ZCWPW2: variants seen among roughly 807,000 people sequenced by gnomAD.
ZCWPW2 encodes the protein zinc finger CW-type and PWWP domain containing 2.
A neutral mutation model predicts 46.6 loss-of-function variants in ZCWPW2; 45 were observed. The ratio of observed to expected loss-of-function variants is 0.96; its 90% confidence interval spans 0.76 to 1.24. The LOEUF (loss-of-function observed/expected upper bound fraction) is 1.24, where lower values mean the gene tolerates loss of function less well. Ranked by LOEUF, ZCWPW2 falls within the 50% of genes most tolerant of loss-of-function variation. ZCWPW2 has a pLI of 0.00. For missense variants in ZCWPW2, 429 were observed against 403.9 expected (o/e 1.06, Z -0.53); for synonymous variants, 152 against 137.1 (o/e 1.11, Z -0.76).
At chr3:28,484,861 T>A (rs908502216) in intron 5 of ZCWPW2, among the ~76,000 whole-genome samples, 8 of 152,186 alleles carry the variant, frequency 5.3e-5, no homozygotes, top group South Asian at 2.1e-4. Flanking sequence ...AGAGCTAGCT[T>A]ATGGTTGTAT....
rs371739055 is a variant in ZCWPW2, at chr3:28,364,718, C to A, written c.-134+15515C>A. Among the ~76,000 whole-genome samples the A allele has an allele frequency of 3.3e-5, 5 of 151,648 alleles. No individual in the cohort carries two copies. The East Asian group carries it at 9.7e-4, about 29-fold the overall frequency. On this transcript the variant is annotated intron_variant, in intron 1 of 9. Transcript: ENST00000383768. ...TGCAGGTTAGTTACATATGTATACA[C>A]GTGCCATGTTGGTGTGCTGCACCCA... is the stretch of plus-strand genomic sequence containing the variant.
intron 4 of ZCWPW2, among the ~76,000 whole-genome samples, chr3:28,474,618 T>TGTGTGTGTGTGC (rs1313615563): frequency 6.8e-6 from 1 of 146,460 alleles, no homozygotes; most frequent in Non-Finnish European, 1.5e-5. Flanking sequence ...TGTGTGTGTG[T>TGTGTGTGTGTGC]GTGCGCGCGC....
chr3:28,496,849 G>A (rs1700003546), intron 6 of ZCWPW2, among the ~76,000 whole-genome samples: 1 of 151,540 alleles, frequency 6.6e-6, no homozygotes, highest in South Asian at 2.1e-4. Context: ...GAAGAAAACA[G>A]GCATAGGGAT....
At chr3:28,495,672 C>G (rs536395861) in intron 6 of ZCWPW2, among the ~76,000 whole-genome samples, 3 of 151,656 alleles carry the variant, frequency 2.0e-5, no homozygotes, top group Admixed American at 1.3e-4. Context: ...TTTAATATGT[C>G]TTTGTTTTTT....
intron 4 of ZCWPW2, among the ~76,000 whole-genome samples, chr3:28,457,132 T>C (rs1316469338): frequency 6.6e-6 from 1 of 152,210 alleles, no homozygotes; most frequent in Non-Finnish European, 1.5e-5. Context: ...ATGAATTAGG[T>C]GAAATCCAGT....
At chr3:28,434,460 T>C (rs1575129629) in intron 3 of ZCWPW2, among the ~76,000 whole-genome samples, 2 of 152,178 alleles carry the variant, frequency 1.3e-5, no homozygotes, top group South Asian at 4.1e-4. Context: ...TGTCATGAAA[T>C]AACATATCTC....
intron 4 of ZCWPW2, among the ~76,000 whole-genome samples, chr3:28,466,550 G>C (rs1033782613): frequency 4.6e-5 from 7 of 152,176 alleles, no homozygotes; most frequent in African/African-American, 1.7e-4. Flanking sequence ...TGTAATCCCA[G>C]CACTTTGGGA....
At chr3:28,475,242 T>C (rs1345472972) in intron 4 of ZCWPW2, among the ~76,000 whole-genome samples, 1 of 152,168 alleles carries the variant, frequency 6.6e-6, no homozygotes, top group African/African-American at 2.4e-5. Context: ...TTGAAAGTCC[T>C]AGAGTAATCC....
At chr3:28,396,828 T>C (rs951390941) in intron 2 of ZCWPW2, among the ~76,000 whole-genome samples, 1 of 152,202 alleles carries the variant, frequency 6.6e-6, no homozygotes, top group African/African-American at 2.4e-5. Context: ...TCATACTGTT[T>C]CATTAAATTC....
intron 8 of ZCWPW2, among the ~76,000 whole-genome samples, chr3:28,520,467 T>C (rs1277872932): frequency 6.6e-6 from 1 of 152,202 alleles, no homozygotes; most frequent in Non-Finnish European, 1.5e-5. Context: ...TAGTAGAGAT[T>C]GGCAAACTGT....
intron 4 of ZCWPW2, among the ~76,000 whole-genome samples, chr3:28,468,050 A>G (rs998796620): frequency 5.9e-5 from 9 of 152,160 alleles, no homozygotes; most frequent in Non-Finnish European, 1.3e-4. Context: ...GTTTTGAGGA[A>G]CTCAAAGAAA....
chr3:28,427,087 C>T (rs1037304049), intron 3 of ZCWPW2, among the ~76,000 whole-genome samples: 1 of 152,158 alleles, frequency 6.6e-6, no homozygotes, highest in African/African-American at 2.4e-5. Flanking sequence ...TACTTCTCAC[C>T]ACCCACAGAT....
intron 4 of ZCWPW2, among the ~76,000 whole-genome samples, chr3:28,455,244 A>C (rs1698381338): frequency 6.6e-6 from 1 of 152,116 alleles, no homozygotes; most frequent in Admixed American, 6.5e-5. Flanking sequence ...AGTGATGTTG[A>C]ACTTGTTTTC....
chr3:28,398,115 C>G (rs1402986556), intron 2 of ZCWPW2: 2 of 152,262 alleles, frequency 1.3e-5, no homozygotes, highest in Admixed American at 1.3e-4. Flanking sequence ...TCTCACAGTT[C>G]TGGAGGCTAA....
At chr3:28,514,665 C>T (rs867223010) in intron 7 of ZCWPW2, among the ~76,000 whole-genome samples, 28 of 152,220 alleles carry the variant, frequency 1.8e-4, no homozygotes, top group African/African-American at 6.5e-4. Context: ...GCTTTATATT[C>T]ATGAAATATT....
intron 1 of ZCWPW2, among the ~76,000 whole-genome samples, chr3:28,369,255 T>G (rs1339063283): frequency 6.6e-6 from 1 of 152,208 alleles, no homozygotes; most frequent in Non-Finnish European, 1.5e-5. Context: ...AGTTTCCGGT[T>G]TTTCTGCTGT....
At chr3:28,510,980 T>C (rs1013927341) in intron 6 of ZCWPW2, 6 of 445,802 alleles carry the variant, frequency 1.3e-5, no homozygotes, top group African/African-American at 1.2e-4. Context: ...CTCTACCACC[T>C]GGTAGCTACA....
At chr3:28,402,399 A>T (rs372372507) in intron 2 of ZCWPW2, among the ~76,000 whole-genome samples, 7 of 152,156 alleles carry the variant, frequency 4.6e-5, no homozygotes, top group African/African-American at 1.4e-4. Context: ...CCCCGAATAG[A>T]CCAATAGCAA....
intron 2 of ZCWPW2, among the ~76,000 whole-genome samples, chr3:28,395,595 G>T (rs1320872578): frequency 6.6e-6 from 1 of 152,046 alleles, no homozygotes; most frequent in African/African-American, 2.4e-5. Context: ...AGAAAATCTT[G>T]TCATTATGAC....
Sources: gnomAD v4.1 joint callset for allele counts (sites outside exome capture counted in the v4.1 genomes callset) on GRCh38, gnomAD v4.1.1 for gene constraint, MANE v1.5 for transcripts, NCBI Gene and HGNC (gene_info 2026-07-23, HGNC 2026-07-21) for gene names.